Variants in FYB2 observed in about 807,000 individuals in gnomAD.
FYB2 encodes the protein FYN-binding protein 2.
Under a neutral mutation model 94.1 loss-of-function variants are expected in FYB2, and 103 were observed. The observed-to-expected ratio is 1.09, with a 90% CI of 0.93 to 1.29. The LOEUF (loss-of-function observed/expected upper bound fraction) is 1.29, where lower values mean the gene tolerates loss of function less well. Among genes scored for constraint, FYB2 ranks in the 50% most tolerant of loss-of-function variants. The pLI is 0.00. For missense variants in FYB2, 896 were observed against 841.5 expected (o/e 1.06, Z -0.80); for synonymous variants, 293 against 287.9 (o/e 1.02, Z -0.18).
At chr1:56,801,486 T>A (rs537694468) in intron 1 of FYB2, among the ~76,000 whole-genome samples, 1 of 152,304 alleles carries the variant, frequency 6.6e-6, no homozygotes, top group East Asian at 1.9e-4. Flanking sequence ...TCCAAATCCA[T>A]GCAGGTAATC....
chr1:56,792,573 C>T lies in FYB2; in HGVS notation c.240G>A (p.Lys80=). Residue 80 remains lysine, a synonymous_variant, in exon 2 of 20, where the codon AAG becomes AAA. Coordinates refer to ENST00000343433, the MANE Select transcript of FYB2 (RefSeq NM_001004303.5). ...ESQPLQPQKI[K]LAQKSEIPKC... is the part of the protein sequence containing the mutation. ...TTGGAATTTCACTCTTCTGAGCCAA[C>T]TTTATTTTCTGAGGTTGAAGAGGCT... is the stretch of plus-strand genomic sequence containing the variant. 6.2e-7 allele frequency: 1 copy of T among 1,614,112 alleles called. No individual in the cohort carries two copies. The highest frequency in any genetic ancestry group is 8.5e-7 in the Non-Finnish European group (1 of 1,180,002).
chr1:56,752,657 G>A (rs2100698757), intron 8 of FYB2, among the ~76,000 whole-genome samples: 1 of 152,186 alleles, frequency 6.6e-6, no homozygotes, highest in South Asian at 2.1e-4. Context: ...ATCCTTCAAT[G>A]TAGTCCCATA....
At chr1:56,818,287 A>G (rs1646930584) in intron 1 of FYB2, among the ~76,000 whole-genome samples, 1 of 152,072 alleles carries the variant, frequency 6.6e-6, no homozygotes, top group African/African-American at 2.4e-5. Context: ...GATTTGCCAC[A>G]GAGAGAAACA....
At chr1:56,792,008 A>G (rs746560575) in intron 2 of FYB2, 48 bp downstream of exon 2, 5 of 1,515,318 alleles carry the variant, frequency 3.3e-6, no homozygotes, top group South Asian at 1.4e-5. Flanking sequence ...GTAGAAAAAC[A>G]TGATGACACC....
chr1:56,746,550 T>A (rs1194576338), intron 9 of FYB2, among the ~76,000 whole-genome samples: 1 of 152,056 alleles, frequency 6.6e-6, no homozygotes, highest in African/African-American at 2.4e-5. Context: ...ATGGAATAAT[T>A]TAGTATGCAC....
intron 4 of FYB2, 73 bp downstream of exon 4, chr1:56,787,102 G>A: frequency 1.8e-5 from 27 of 1,510,774 alleles, no homozygotes; most frequent in Non-Finnish European, 2.4e-5. Flanking sequence ...TGTGCTAATT[G>A]CCTGCTCTGG....
chr1:56,723,777 G>A, intron 16 of FYB2, 96 bp from the exon 17 acceptor site: 1 of 681,864 alleles, frequency 1.5e-6, no homozygotes, highest in Non-Finnish European at 2.4e-6. Flanking sequence ...ATAAATTCAG[G>A]TATAATTTTT....
intron 1 of FYB2, among the ~76,000 whole-genome samples, chr1:56,813,788 T>C (rs1177080241): frequency 6.6e-6 from 1 of 152,206 alleles, no homozygotes; most frequent in Admixed American, 6.5e-5. Context: ...ATTCAAACCT[T>C]GGTTGAATGT....
intron 1 of FYB2, among the ~76,000 whole-genome samples, chr1:56,818,758 C>A (rs1646944291): frequency 6.6e-6 from 1 of 152,054 alleles, no homozygotes; most frequent in Non-Finnish European, 1.5e-5. Context: ...AGTGAGGGAC[C>A]CAGGGCTCAG....
At chr1:56,734,579 C>T (rs1050870688) in intron 15 of FYB2, among the ~76,000 whole-genome samples, 4 of 152,052 alleles carry the variant, frequency 2.6e-5, no homozygotes, top group Admixed American at 6.6e-5. Flanking sequence ...AACCAAACAC[C>T]GCATGTTCTC....
At chr1:56,760,243 C>A (rs1645459221) in intron 5 of FYB2, among the ~76,000 whole-genome samples, 3 of 152,078 alleles carry the variant, frequency 2.0e-5, no homozygotes, top group Admixed American at 2.0e-4. Context: ...CATAAAAGGA[C>A]TCCTCCCTCT....
At chr1:56,770,655 A>G (rs992870764) in intron 4 of FYB2, among the ~76,000 whole-genome samples, 1 of 152,190 alleles carries the variant, frequency 6.6e-6, no homozygotes, top group Non-Finnish European at 1.5e-5. Flanking sequence ...ATAAAAGTGA[A>G]AAAGGTTATT....
upstream of FYB2, among the ~76,000 whole-genome samples, chr1:56,822,743 G>A (rs1248110050): frequency 3.1e-4 from 5 of 16,304 alleles, no homozygotes; most frequent in East Asian, 7.9e-3. Context: ...AGAATACCCC[G>A]ATGTAAAAAA....
intron 1 of FYB2, among the ~76,000 whole-genome samples, chr1:56,798,846 T>A (rs542468695): frequency 1.3e-5 from 2 of 152,242 alleles, no homozygotes; most frequent in Admixed American, 6.5e-5. Flanking sequence ...GCAATCAAAC[T>A]CATACAACCT....
intron 4 of FYB2, among the ~76,000 whole-genome samples, chr1:56,775,268 T>C (rs1194902224): frequency 2.6e-5 from 4 of 152,118 alleles, no homozygotes; most frequent in Non-Finnish European, 5.9e-5. Context: ...GGGCACTAGG[T>C]ATTTCTTTTT....
chr1:56,785,630 G>C (rs1217375762), intron 4 of FYB2, among the ~76,000 whole-genome samples: 1 of 152,098 alleles, frequency 6.6e-6, no homozygotes, highest in Non-Finnish European at 1.5e-5. Context: ...TCTGTGATGT[G>C]GTTCCTGTTT....
At position 56,761,456 on chromosome 1, in the gene FYB2, T is replaced by C. The variant is rs1490006749; in HGVS notation, c.1064-2706A>G. On this transcript the variant is annotated intron_variant, in intron 5 of 19. Coordinates refer to ENST00000343433, the MANE Select transcript of FYB2 (RefSeq NM_001004303.5). ...CATGGCTTTATTAATTTAAATGGAA[T>C]GTTATGCAGAAGTGTAAACACAAGT... 2.0e-5 allele frequency among the ~76,000 whole-genome samples: 3 copies of C among 152,276 alleles called. No homozygotes were observed. The East Asian group carries it at 5.8e-4, about 29-fold the overall frequency.
intron 1 of FYB2, among the ~76,000 whole-genome samples, chr1:56,803,041 TTC>T (rs1382415887): frequency 1.3e-5 from 2 of 152,210 alleles, no homozygotes; most frequent in Non-Finnish European, 2.9e-5. Context: ...ATTGCTTGGA[TTC>T]TCTGAGATTT....
intron 9 of FYB2, among the ~76,000 whole-genome samples, chr1:56,747,095 G>A (rs1172942468): frequency 6.6e-6 from 1 of 151,710 alleles, no homozygotes; most frequent in Non-Finnish European, 1.5e-5. Flanking sequence ...ATAAAAAATT[G>A]ATTTCTAGTT....
Sources: gnomAD v4.1 joint callset for allele counts (sites outside exome capture counted in the v4.1 genomes callset) on GRCh38, gnomAD v4.1.1 for gene constraint, MANE v1.5 for transcripts, NCBI Gene and HGNC (gene_info 2026-07-23, HGNC 2026-07-21) for gene names.